PRSS56: variants seen among roughly 807,000 people sequenced by gnomAD.
The protein encoded by PRSS56 is serine protease 56, also known as protease, serine 56.
A neutral mutation model predicts 66.8 loss-of-function variants in PRSS56; 55 were observed. The ratio of observed to expected loss-of-function variants is 0.82; its 90% CI spans 0.66 to 1.03. The LOEUF is 1.03. Ranked by LOEUF, PRSS56 falls within the 50% of genes least tolerant of loss-of-function variation. The pLI is 0.00. For missense variants in PRSS56, 869 were observed against 837.2 expected (o/e 1.04, Z -0.47); for synonymous variants, 409 against 387.9 (o/e 1.05, Z -0.64).
intron 4 of PRSS56, 55 bp downstream of exon 4, chr2:232,522,215 A>C: frequency 3.7e-6 from 5 of 1,366,170 alleles, no homozygotes; most frequent in Non-Finnish European, 4.8e-6. Context: ...TGGGCCCCGC[A>C]CCTGCCGGGT....
At chr2:232,522,185 C>A in intron 4 of PRSS56, 25 bp downstream of exon 4, 1 of 1,439,986 alleles carries the variant, frequency 6.9e-7, no homozygotes, top group Non-Finnish European at 9.1e-7. Flanking sequence ...CAGGCCTTGC[C>A]CAGCTGGGGT....
At chr2:232,523,372 A>T in intron 7 of PRSS56, 44 bp from the exon 8 acceptor site, 1 of 1,428,940 alleles carries the variant, frequency 7.0e-7, no homozygotes, top group Non-Finnish European at 9.1e-7. Flanking sequence ...GGCAGGCGTC[A>T]TAGGGGGCAG....
chr2:232,521,343 G>C lies in PRSS56; in HGVS notation c.120G>C (p.Gln40His). ...ALQVLSAQGTQALQAAQRSAQ... is the reference protein window; with the variant it reads ...ALQVLSAQGTHALQAAQRSAQ... The stretch of plus-strand genomic sequence containing the variant: ...CAGTTCTGTCGGCCCAGGGGACTCA[G>C]GCGTTGCAGGCAGCCCAGAGGAGCG... Residue 40 changes from glutamine (Q) to histidine (H), a missense_variant, in exon 2 of 13, where the codon CAG (glutamine) becomes CAC (histidine). Coordinates refer to ENST00000617714, the MANE Select transcript of PRSS56 (RefSeq NM_001195129.2). The C allele has an allele frequency of 6.5e-7, 1 of 1,536,148 alleles. No individual in the cohort carries two copies. The highest frequency in any genetic ancestry group is 1.4e-5 in the African/African-American group (1 of 73,182).
Position 232,524,022 on chromosome 2 carries a change from T to A in PRSS56, c.1187-17T>A, listed in dbSNP as rs1321424293. The A allele has an allele frequency of 4.6e-6, 7 of 1,525,476 alleles. No homozygotes were observed. Among genetic ancestry groups the A allele is most frequent in the South Asian group, 2.4e-5 (2 of 83,234 alleles). The allele number at this position is 1,525,476 out of a possible 1,614,324, so 94.5% of individuals were successfully genotyped here. A position where few individuals can be genotyped will look rare whatever the true frequency, so the allele number is the denominator to read the frequency against. On this transcript the variant is annotated splice_polypyrimidine_tract_variant and intron_variant, in intron 9 of 12. Transcript: ENST00000617714. Reference sequence around the variant, plus strand: ...GCCAGCCTCTGACCGCCGCTCCGACTCCTGTCCGGTCCGCAGAGCTGCGCT... The same window carrying A: ...GCCAGCCTCTGACCGCCGCTCCGACACCTGTCCGGTCCGCAGAGCTGCGCT...
rs1422291569 is a variant in PRSS56 at position 232,520,660 on chromosome 2, C to T, written c.62C>T (p.Pro21Leu). The T allele has an allele frequency of 1.3e-6, 2 of 1,535,894 alleles. No individual in the cohort carries two copies. Among genetic ancestry groups the T allele is most frequent in the South Asian group, 2.4e-5 (2 of 84,062 alleles). ...AGCTCATGGTTTGCCCACGGGCACC[C>T]ACTGTACACACGCCTGCCCCCCAGC... ...LPSSWFAHGH[P>L]LYTRLPPSAL... is the part of the protein sequence containing the mutation. Residue 21 changes from proline (P) to leucine (L), a missense_variant, in exon 1 of 13, where the codon CCA becomes CTA. Around this residue, in one of 3 missense-constraint regions of PRSS56, gnomAD observed 315 missense variants for 313.7 expected, o/e 1.00. Transcript: ENST00000617714.
rs757549931 is a variant in PRSS56 at position 232,522,034 on chromosome 2, G to C, written c.320G>C (p.Gly107Ala). 2 of 1,466,456 alleles carry C rather than the reference G, an allele frequency of 1.4e-6. No individual in the cohort carries two copies. The highest frequency in any genetic ancestry group is 2.5e-5 in the Admixed American group (1 of 39,716). 90.8% of individuals were successfully genotyped at this position (1,466,456 alleles called of 1,614,324 possible). ...ACGCGGGCCCACGGCCGCATCGTGG[G>C]GGGCAGCGCGGCGCCGCCCGGGGCC... is the stretch of plus-strand genomic sequence containing the variant. ...NVTRAHGRIV[G>A]GSAAPPGAWP... The change falls in exon 4 of 13, where the codon GGG becomes GCG. Residue 107 changes from glycine (G) to alanine (A), a missense_variant. By Grantham distance (60) the Gly-to-Ala change is moderately conservative. Transcript: ENST00000617714.
Position 232,522,868 on chromosome 2 carries a change from G to A in PRSS56, c.706+7G>A, listed in dbSNP as rs1288734211. ...TGGGGCGCCCTCTTCGAAGGTACTG[G>A]GCGTGGGTGAGCCGGCGCGTGGTGG... On this transcript the variant is annotated splice_region_variant and intron_variant, in intron 6 of 12. Transcript: ENST00000617714. 3 of 1,455,322 alleles carry A rather than the reference G, an allele frequency of 2.1e-6. No homozygotes were observed. In the African/African-American group the frequency reaches 4.3e-5, roughly 21 times the overall value. The allele number at this position is 1,455,322 out of a possible 1,614,324, so 90.2% of individuals were successfully genotyped here.
At chr2:232,522,309 C>A (rs1215822110) in intron 4 of PRSS56, 149 bp downstream of exon 4, 3 of 892,548 alleles carry the variant, frequency 3.4e-6, no homozygotes, top group Non-Finnish European at 4.6e-6. Context: ...CTCAAGGCGC[C>A]GCGCCCGCCC....
Position 232,522,078 on chromosome 2 carries a change from C to A in PRSS56, c.364C>A (p.Leu122Met), listed in dbSNP as rs1443260938. 3 of 1,517,120 alleles carry A rather than the reference C, an allele frequency of 2.0e-6. No individual in the cohort carries two copies. The Admixed American group carries it at 6.1e-5, about 31-fold the overall frequency. The allele number at this position is 1,517,120 out of a possible 1,614,324, so 94.0% of individuals were successfully genotyped here. The change falls in exon 4 of 13, where the codon CTG becomes ATG. Residue 122 changes from leucine (L) to methionine (M), a missense_variant. Coordinates refer to ENST00000617714, the MANE Select transcript of PRSS56 (RefSeq NM_001195129.2). ...PPGAWPWLVR[L>M]QLGGQPLCGG... ...CGGGGCCTGGCCCTGGCTGGTGAGG[C>A]TGCAGCTCGGCGGGCAGCCTCTGTG...
intron 11 of PRSS56, 123 bp downstream of exon 11, chr2:232,524,492 T>A: frequency 1.1e-6 from 1 of 932,818 alleles, no homozygotes; most frequent in Non-Finnish European, 1.6e-6. Context: ...GGACTCGTTC[T>A]CCCCTCCCCG....
In PRSS56 at chr2:232,522,516, G is replaced by GC; in HGVS notation, c.452dup (p.Asn152GlufsTer2). The GC allele has an allele frequency of 6.5e-7, 1 of 1,529,148 alleles. No homozygotes were observed. The highest frequency in any genetic ancestry group is 8.7e-7 in the Non-Finnish European group (1 of 1,143,398). The allele number at this position is 1,529,148 out of a possible 1,614,324, so 94.7% of individuals were successfully genotyped here. On this transcript the variant is annotated frameshift_variant and splice_region_variant, in exon 5 of 13. Coordinates refer to ENST00000617714, the MANE Select transcript of PRSS56 (RefSeq NM_001195129.2). LOFTEE classifies it high-confidence loss of function. Reference sequence around the variant, plus strand: ...TCTCAGCTGCCGCTCGACCCGCAGCGCCCCGAATGAGCTTCTGTGGACTGT... The same window carrying GC: ...TCTCAGCTGCCGCTCGACCCGCAGCGCCCCCGAATGAGCTTCTGTGGACTGT...
chr2:232,523,962 C>T lies in PRSS56; in HGVS notation c.1186+17C>T. The T allele has an allele frequency of 6.6e-7, 1 of 1,515,062 alleles. No individual in the cohort carries two copies. Among genetic ancestry groups the T allele is most frequent in the Non-Finnish European group, 8.8e-7 (1 of 1,138,022 alleles). The allele number at this position is 1,515,062 out of a possible 1,614,324, so 93.9% of individuals were successfully genotyped here. On this transcript the variant is annotated intron_variant, in intron 9 of 12. Coordinates refer to ENST00000617714, the MANE Select transcript of PRSS56 (RefSeq NM_001195129.2). ...GGCGATGCGGTCAGTTCTGTTCACCCGGACCCGGACGGGGGGCAGAGGGGA... is the reference window on the plus strand; with the variant it reads ...GGCGATGCGGTCAGTTCTGTTCACCTGGACCCGGACGGGGGGCAGAGGGGA...
rs1026873518 is a variant in PRSS56, at chr2:232,522,020, C to G, written c.306C>G (p.His102Gln). 6.9e-7 allele frequency: 1 copy of G among 1,455,490 alleles called. No homozygotes were observed. Among genetic ancestry groups the G allele is most frequent in the South Asian group, 1.4e-5 (1 of 70,910 alleles). The allele number at this position is 1,455,490 out of a possible 1,614,324, so 90.2% of individuals were successfully genotyped here. A position where few individuals can be genotyped will look rare whatever the true frequency, so the allele number is the denominator to read the frequency against. Reference sequence around the variant, plus strand: ...GCACTGCCAATGTGACGCGGGCCCACGGCCGCATCGTGGGGGGCAGCGCGG... The same window carrying G: ...GCACTGCCAATGTGACGCGGGCCCAGGGCCGCATCGTGGGGGGCAGCGCGG... ...RPSTANVTRA[H>Q]GRIVGGSAAP... Residue 102 changes from histidine to glutamine, a missense_variant, in exon 4 of 13, where the codon CAC becomes CAG. Physicochemically the swap from His to Gln is conservative, Grantham distance 24. This residue lies in a region of PRSS56 where 315 missense variants were observed against 313.7 expected (regional missense o/e 1.00). Coordinates refer to ENST00000617714, the MANE Select transcript of PRSS56 (RefSeq NM_001195129.2).
rs1691363340 is a variant in PRSS56, at chr2:232,524,379, C to T, written c.1414+10C>T. The T allele has an allele frequency of 1.6e-5, 24 of 1,534,158 alleles. No individual in the cohort carries two copies. Among genetic ancestry groups the T allele is most frequent in the Non-Finnish European group, 2.0e-5 (23 of 1,146,012 alleles). ...CGCGGAGAAGCCAACGGTAATGACG[C>T]CCCCTGCCGACCTTCAGGAGGGGAT... is the stretch of plus-strand genomic sequence containing the variant. On this transcript the variant is annotated intron_variant, in intron 11 of 12. Coordinates refer to ENST00000617714, the MANE Select transcript of PRSS56 (RefSeq NM_001195129.2).
At chr2:232,521,716 G>A in intron 2 of PRSS56, 100 bp from the exon 3 acceptor site, 3 of 1,210,916 alleles carry the variant, frequency 2.5e-6, no homozygotes, top group Admixed American at 4.3e-5. Context: ...CTGGAGGGCT[G>A]AGCGCGAAAG....
chr2:232,524,722 T>G lies in PRSS56; in HGVS notation c.1415-16T>G, dbSNP rs1196526309. On this transcript the variant is annotated splice_polypyrimidine_tract_variant and intron_variant, in intron 11 of 12. Transcript: ENST00000617714. ...GCAACCGTTCATTATTCCCGGGGCC[T>G]CTCCTCTTCCTCCAGGCTGCCCTGG... is the stretch of plus-strand genomic sequence containing the variant. 3 of 1,502,778 alleles carry G rather than the reference T, an allele frequency of 2.0e-6. No homozygotes were observed. The highest frequency in any genetic ancestry group is 4.1e-5 in the Admixed American group (2 of 49,020). The allele number at this position is 1,502,778 out of a possible 1,614,324, so 93.1% of individuals were successfully genotyped here.
chr2:232,524,535 T>C (rs1691372410), intron 11 of PRSS56, among the ~76,000 whole-genome samples, 166 bp downstream of exon 11: 1 of 152,216 alleles, frequency 6.6e-6, no homozygotes, highest in African/African-American at 2.4e-5. Context: ...GGAGTACTTG[T>C]GGTTTTAGCT....
chr2:232,525,648 G>T lies in PRSS56; in HGVS notation c.*142G>T. 1 of 598,818 alleles carries T rather than the reference G, an allele frequency of 1.7e-6. No individual in the cohort carries two copies. Among genetic ancestry groups the T allele is most frequent in the South Asian group, 2.7e-5 (1 of 37,156 alleles). The allele number at this position is 598,818 out of a possible 1,614,324, so 37.1% of individuals were successfully genotyped here. On this transcript the variant is annotated 3_prime_UTR_variant, in exon 13 of 13. Transcript: ENST00000617714. ...ATGGGGTGGGGGTCCTGGGCCCCCC[G>T]TGTCTTCCCAGGTTTACAATCAGAG...
At position 232,522,032 on chromosome 2, in the gene PRSS56, G is replaced by C. The variant is rs549793348; in HGVS notation, c.318G>C (p.Val106=). The C allele has an allele frequency of 3.9e-5, 57 of 1,465,766 alleles. No homozygotes were observed. Among genetic ancestry groups the C allele is most frequent in the Admixed American group, 2.8e-4 (11 of 39,708 alleles). 90.8% of individuals were successfully genotyped at this position (1,465,766 alleles called of 1,614,324 possible). ...TGACGCGGGCCCACGGCCGCATCGT[G>C]GGGGGCAGCGCGGCGCCGCCCGGGG... ...ANVTRAHGRI[V]GGSAAPPGAW... Residue 106 remains valine, a synonymous_variant, in exon 4 of 13, where the codon GTG becomes GTC. Coordinates refer to ENST00000617714, the MANE Select transcript of PRSS56 (RefSeq NM_001195129.2).
Sources: allele counts gnomAD v4.1 joint callset (sites outside exome capture counted in the v4.1 genomes callset), GRCh38; gene constraint gnomAD v4.1.1; regional missense constraint gnomAD v4.1.1; transcripts MANE v1.5; gene names NCBI Gene and HGNC (gene_info 2026-07-23, HGNC 2026-07-21).